The following CEP131 variants were observed in gnomAD, a reference collection of about 807,000 sequenced individuals.
CEP131 encodes centrosomal protein of 131 kDa.
A neutral mutation model predicts 136.8 loss-of-function variants in CEP131; 99 were observed. That is an observed-to-expected ratio of 0.72 (90% confidence interval 0.62 to 0.86). CEP131 has a LOEUF of 0.86. Ranked by LOEUF, CEP131 falls within the 40% of genes least tolerant of loss-of-function variation. CEP131 has a pLI of 0.00. For synonymous variants in CEP131, 646 were observed against 612.7 expected, an observed-to-expected ratio of 1.05 and a Z score of -0.80; for missense variants, 1,459 against 1,463.0, an observed-to-expected ratio of 1.00 and a Z score of 0.04.
intron 4 of CEP131, 56 bp from the exon 5 acceptor site, chr17:81,206,927 T>C: frequency 6.3e-7 from 1 of 1,576,142 alleles, no homozygotes; most frequent in Non-Finnish European, 8.6e-7. Flanking sequence ...ACCCCATCCC[T>C]TCCCTGCCTC....
At chr17:81,216,004 T>C (rs2659027) in intron 2 of CEP131, among the ~76,000 whole-genome samples, 58,360 of 151,812 alleles carry the variant, frequency 0.38, 13,882 homozygotes, top group East Asian at 0.63. Context: ...GGTGGGAGGA[T>C]CGCTTCAGCC....
At chr17:81,199,592 G>A (rs371113124) in intron 9 of CEP131, 43 bp from the exon 10 acceptor site, 91 of 1,590,708 alleles carry the variant, frequency 5.7e-5, no homozygotes, top group Middle Eastern at 2.0e-4. Flanking sequence ...GGGAGAGGAC[G>A]ACCCCAGGCT....
In CEP131 at chr17:81,203,742, TC is replaced by T; in HGVS notation, c.516-136del. On this transcript the variant is annotated intron_variant, in intron 5 of 25. Coordinates refer to ENST00000450824, the MANE Select transcript of CEP131 (RefSeq NM_014984.4). The surrounding 1 kb of genome is among the most constrained non-coding windows in gnomAD (Gnocchi z 4.6). ...TTGCTACGTGCTGGCAGCATTGTCG[TC>T]CAGTGTCCCCAGGCCCCTTCCACAG... The T allele has an allele frequency of 1.5e-6, 1 of 670,990 alleles. No individual in the cohort carries two copies. The highest frequency in any genetic ancestry group is 2.5e-6 in the Non-Finnish European group (1 of 392,246). 41.6% of individuals were successfully genotyped at this position (670,990 alleles called of 1,614,324 possible).
At position 81,219,980 on chromosome 17, in the gene CEP131, G is replaced by A. The variant is rs1299572481; in HGVS notation, c.77C>T (p.Pro26Leu). ...AGVDLSLTGL[P>L]PPVSRRPGSA... The stretch of plus-strand genomic sequence containing the variant: ...GCCAGGACGCCGGGACACAGGCGGA[G>A]GGAGACCTGTCAGACTCAGGTCCAC... Residue 26 changes from proline (P) to leucine (L), a missense_variant, in exon 2 of 26, where the codon CCT becomes CTT. Coordinates refer to ENST00000450824, the MANE Select transcript of CEP131 (RefSeq NM_014984.4). This position sits in a 1 kb window ranked among gnomAD's most constrained non-coding sequence, Gnocchi z 4.0. 4 of 1,612,054 alleles carry A rather than the reference G, an allele frequency of 2.5e-6. No individual in the cohort carries two copies. Among genetic ancestry groups the A allele is most frequent in the African/African-American group, 1.3e-5 (1 of 74,838 alleles).
intron 17 of CEP131, among the ~76,000 whole-genome samples, chr17:81,194,512 C>A (rs1453457442): frequency 6.6e-6 from 1 of 152,254 alleles, no homozygotes; most frequent in Non-Finnish European, 1.5e-5. Flanking sequence ...CCTGCCCCTG[C>A]CTCCTCCTGT....
intron 10 of CEP131, 105 bp downstream of exon 10, chr17:81,199,276 C>T: frequency 1.5e-6 from 2 of 1,329,184 alleles, no homozygotes; most frequent in Middle Eastern, 2.7e-4. Flanking sequence ...GGGCCGCCAA[C>T]ATGGGCAGCA....
In CEP131 at chr17:81,190,946, A is replaced by G. The variant is rs868388461; in HGVS notation, c.2904T>C (p.Leu968=). The change falls in exon 23 of 26, where the codon CTT becomes CTC. Residue 968 remains leucine (L), a synonymous_variant. Transcript: ENST00000450824. The part of the protein sequence containing the change: ...AEGENLRLQG[L]VRQKERALED... ...CCAGCGCCCGCTCCTTCTGCCGCACAAGGCCCTGCAGACGCAGATTCTCGC... is the reference window on the plus strand; with the variant it reads ...CCAGCGCCCGCTCCTTCTGCCGCACGAGGCCCTGCAGACGCAGATTCTCGC... The G allele has an allele frequency of 5.0e-6, 8 of 1,605,186 alleles. No homozygotes were observed. The African/African-American group carries it at 5.3e-5, about 11-fold the overall frequency.
chr17:81,203,637 T>C lies in CEP131; in HGVS notation c.516-30A>G. 1 of 1,543,320 alleles carries C rather than the reference T, an allele frequency of 6.5e-7. No homozygotes were observed. Among genetic ancestry groups the C allele is most frequent in the Non-Finnish European group, 8.8e-7 (1 of 1,137,826 alleles). On this transcript the variant is annotated intron_variant, in intron 5 of 25. Transcript: ENST00000450824. This position sits in a 1 kb window ranked among gnomAD's most constrained non-coding sequence, Gnocchi z 4.6. ...CAGGCCGGAAGAGAGACAGGAATGGTCAGGCCTCTGGAGGGGACGCCTGAG... is the reference window on the plus strand; with the variant it reads ...CAGGCCGGAAGAGAGACAGGAATGGCCAGGCCTCTGGAGGGGACGCCTGAG...
Position 81,196,730 on chromosome 17 carries a change from T to C in CEP131, c.1870A>G (p.Ile624Val), listed in dbSNP as rs999343234. 2 of 1,605,022 alleles carry C rather than the reference T, an allele frequency of 1.2e-6. No homozygotes were observed. The highest frequency in any genetic ancestry group is 1.7e-6 in the Non-Finnish European group (2 of 1,178,068). The part of the protein sequence containing the change: ...QRQREHYEAT[I>V]QRHLAFIDQL... ...TCAATGAAGGCCAAGTGCCGCTGGA[T>C]GGTGGCCTCGTAGTGCTCCCTCTGC... The change falls in exon 15 of 26, where the codon ATC becomes GTC. Residue 624 changes from isoleucine to valine, a missense_variant. Physicochemically the swap from Ile to Val is conservative, Grantham distance 29. Coordinates refer to ENST00000450824, the MANE Select transcript of CEP131 (RefSeq NM_014984.4).
rs377446879 is a variant in CEP131, at chr17:81,196,972, C to T, written c.1731G>A (p.Val577=). ...STSVMRLKLE[V]EEKKQAMLLL... ...GCAGCATGGCCTGCTTCTTCTCCTC[C>T]ACCTCCAGCTTCAGCCGCATCACAG... The change falls in exon 14 of 26, where the codon GTG becomes GTA. Residue 577 remains valine (V), a synonymous_variant. Coordinates refer to ENST00000450824, the MANE Select transcript of CEP131 (RefSeq NM_014984.4). 5.0e-6 allele frequency: 8 copies of T among 1,608,062 alleles called. No individual in the cohort carries two copies. In the Admixed American group the frequency reaches 1.2e-4, roughly 24 times the overall value.
chr17:81,204,773 C>A (rs563777987), intron 5 of CEP131, among the ~76,000 whole-genome samples: 20 of 150,966 alleles, frequency 1.3e-4, no homozygotes, highest in Non-Finnish European at 2.4e-4. Context: ...TGCACCGGAC[C>A]GCACCAGGCA....
chr17:81,222,622 C>CG (rs796934507), intron 1 of CEP131, 147 bp downstream of exon 1: 10 of 151,600 alleles, frequency 6.6e-5, no homozygotes, highest in African/African-American at 2.2e-4. Flanking sequence ...TTCAATTGCG[C>CG]GGGCACCAGA....
At chr17:81,214,413 C>G (rs9894363) in intron 2 of CEP131, among the ~76,000 whole-genome samples, 80,278 of 151,738 alleles carry the variant, frequency 0.53, 22,581 homozygotes, top group African/African-American at 0.71. Flanking sequence ...AAACTTAGCC[C>G]GGCATGGTGG....
chr17:81,194,643 A>G (rs111931648), intron 17 of CEP131, among the ~76,000 whole-genome samples: 7,515 of 152,114 alleles, frequency 0.049, 635 homozygotes, highest in African/African-American at 0.17. Context: ...GCAACTGCCT[A>G]GATGCTGGGG....
intron 2 of CEP131, among the ~76,000 whole-genome samples, chr17:81,214,611 T>C (rs532823328): frequency 1.1e-4 from 17 of 152,108 alleles, no homozygotes; most frequent in Non-Finnish European, 2.1e-4. Context: ...TAAAAGGTAG[T>C]ACAGTCAGAT....
Position 81,208,974 on chromosome 17 carries a change from A to C in CEP131, c.226T>G (p.Ser76Ala), listed in dbSNP as rs759647258. Residue 76 changes from serine (S) to alanine (A), a missense_variant, in exon 3 of 26, where the codon TCC becomes GCC. Coordinates refer to ENST00000450824, the MANE Select transcript of CEP131 (RefSeq NM_014984.4). This position sits in a 1 kb window ranked among gnomAD's most constrained non-coding sequence, Gnocchi z 5.6. ...TGGCTGACCTGCGTGGTGCTGTTGG[A>C]TCTTCTAAGGTTGTTGATGGCCTGG... Reference protein sequence around the residue: ...GSQAINNLRRSNSTTQVSQPR... With the variant: ...GSQAINNLRRANSTTQVSQPR... 1.7e-5 allele frequency: 27 copies of C among 1,613,906 alleles called. No individual in the cohort carries two copies. Among genetic ancestry groups the C allele is most frequent in the Non-Finnish European group, 2.3e-5 (27 of 1,179,934 alleles).
rs1298317304 is a variant in CEP131, at chr17:81,208,075, ACACAC to A, written c.273-841_273-837del. 4.3e-5 allele frequency among the ~76,000 whole-genome samples: 6 copies of A among 139,440 alleles called. No homozygotes were observed. Among genetic ancestry groups the A allele is most frequent in the African/African-American group, 8.0e-5 (3 of 37,332 alleles). 91.5% of individuals were successfully genotyped at this position (139,440 alleles called of 152,430 possible). On this transcript the variant is annotated intron_variant, in intron 3 of 25. Transcript: ENST00000450824. This position sits in a 1 kb window ranked among gnomAD's most constrained non-coding sequence, Gnocchi z 5.6. Reference sequence around the variant, plus strand: ...CACACCACACTCACACCACACACCCACACACCACACCACACACACACACTTATGCC... The same window carrying A: ...CACACCACACTCACACCACACACCCACACACCACACACACACACTTATGCC...
chr17:81,206,082 C>CA (rs1191359355), intron 5 of CEP131, among the ~76,000 whole-genome samples: 1 of 151,906 alleles, frequency 6.6e-6, no homozygotes, highest in African/African-American at 2.4e-5. Context: ...GGCGTGGTGG[C>CA]ACGTGCTTAT....
At chr17:81,204,460 T>G (rs79674270) in intron 5 of CEP131, among the ~76,000 whole-genome samples, 2,178 of 152,046 alleles carry the variant, frequency 0.014, 49 homozygotes, top group African/African-American at 0.046. Flanking sequence ...CCACAGACAC[T>G]GGTAGGTGGG....
Sources: gnomAD v4.1 joint callset for allele counts (sites outside exome capture counted in the v4.1 genomes callset) on GRCh38, gnomAD v4.1.1 for gene constraint, Gnocchi (gnomAD v3.1) non-coding constraint, MANE v1.5 for transcripts, NCBI Gene and HGNC (gene_info 2026-07-23, HGNC 2026-07-21) for gene names.